The following ZNF124 variants were observed in gnomAD, a reference collection of about 807,000 sequenced individuals.
ZNF124 encodes the protein zinc finger protein HZF-16.
Under a neutral mutation model 26.6 loss-of-function variants are expected in ZNF124, and 25 were observed. The ratio of observed to expected loss-of-function variants is 0.94; its 90% CI spans 0.68 to 1.31. ZNF124 has a LOEUF of 1.31. ZNF124 is among the 40% of genes most tolerant of loss of function. The pLI is 0.00. For synonymous variants in ZNF124, 129 were observed against 133.3 expected, an observed-to-expected ratio of 0.97 and a Z score of 0.22; for missense variants, 444 against 422.2, an observed-to-expected ratio of 1.05 and a Z score of -0.45.
At chr1:247,125,592 C>T (rs1041001374) in intron 3 of ZNF124, among the ~76,000 whole-genome samples, 4 of 151,898 alleles carry the variant, frequency 2.6e-5, no homozygotes, top group African/African-American at 7.3e-5. Flanking sequence ...CCATCACACC[C>T]GGCTAAATTT....
exon 4 of ZNF124, chr1:247,123,821 C>T (rs1350887302): frequency 2.8e-6 from 2 of 701,788 alleles, no homozygotes; most frequent in Admixed American, 2.0e-5. Flanking sequence ...CTCTTAGTAG[C>T]TGTGAGGCTT....
chr1:247,159,668 G>C lies in ZNF124; in HGVS notation c.157+19C>G, dbSNP rs1230397044. The C allele has an allele frequency of 6.2e-7, 1 of 1,606,290 alleles. No individual in the cohort carries two copies. The highest frequency in any genetic ancestry group is 8.5e-7 in the Non-Finnish European group (1 of 1,177,610). On this transcript the variant is annotated intron_variant, in intron 2 of 3. Transcript: ENST00000543802. ...CTTACTTTCTGATTGACTAAGTGAA[G>C]AAATATTGTGATTCTTACCTATGGA...
Position 247,157,190 on chromosome 1 carries a change from G to A in ZNF124, c.432C>T (p.His144=), listed in dbSNP as rs758137505. The A allele has an allele frequency of 1.9e-6, 3 of 1,614,064 alleles. No homozygotes were observed. The highest frequency in any genetic ancestry group is 3.3e-5 in the Admixed American group (2 of 60,022). The change falls in exon 4 of 4, where the codon CAC becomes CAT. Residue 144 remains histidine, a synonymous_variant. Coordinates refer to ENST00000543802, the MANE Select transcript of ZNF124 (RefSeq NM_001297568.2). ...TACATTCATAGGGTTTCTCTCCAGT[G>A]TGATTTCTCTGATGTATCTGAAATG... ...PSSFQIHQRN[H]TGEKPYECME... is the part of the protein sequence containing the mutation.
rs745477497 is a variant in ZNF124 at position 247,157,092 on chromosome 1, C to G, written c.530G>C (p.Arg177Pro). Reference sequence around the variant, plus strand: ...TTTCCCACATTGCTTACATTCATAGCGTTTTTCTCCAGTGTGAATCCTTTT... The same window carrying G: ...TTTCCCACATTGCTTACATTCATAGGGTTTTTCTCCAGTGTGAATCCTTTT... The part of the protein sequence containing the change: ...RHKRIHTGEK[R>P]YECKQCGKAF... Residue 177 changes from arginine (R) to proline (P), a missense_variant, in exon 4 of 4, where the codon CGC becomes CCC. Physicochemically the swap from Arg to Pro is moderately radical, Grantham distance 103. Transcript: ENST00000543802. The G allele has an allele frequency of 1.9e-6, 3 of 1,613,852 alleles. No individual in the cohort carries two copies. Among genetic ancestry groups the G allele is most frequent in the African/African-American group, 2.7e-5 (2 of 74,844 alleles).
intron 3 of ZNF124, among the ~76,000 whole-genome samples, chr1:247,134,406 G>A (rs1373075543): frequency 1.3e-5 from 2 of 151,982 alleles, no homozygotes; most frequent in South Asian, 4.2e-4. Flanking sequence ...AGGGATGAAG[G>A]AATATTTACC....
At chr1:247,153,359 G>A (rs1673001797), downstream of ZNF124, among the ~76,000 whole-genome samples, 1 of 152,160 alleles carries the variant, frequency 6.6e-6, no homozygotes, top group South Asian at 2.1e-4. Flanking sequence ...TTATCAGGAT[G>A]AGAACTTAAA....
In ZNF124 at chr1:247,156,521, T is replaced by G. The variant is rs2103118470; in HGVS notation, c.*45A>C. The stretch of plus-strand genomic sequence containing the variant: ...TTACATTCACAGTTTCTCTCAAGTA[T>G]GTGACTGTTCATGTTTTTGACAAAA... On this transcript the variant is annotated 3_prime_UTR_variant, in exon 4 of 4. Transcript: ENST00000543802. 1 of 1,491,102 alleles carries G rather than the reference T, an allele frequency of 6.7e-7. No individual in the cohort carries two copies. The highest frequency in any genetic ancestry group is 2.3e-5 in the East Asian group (1 of 43,298). 92.4% of individuals were successfully genotyped at this position (1,491,102 alleles called of 1,614,324 possible).
rs71566695 is a variant in ZNF124 at position 247,125,430 on chromosome 1, C to CTTTTTTTT, written c.219-1567_219-1560dup. ...TATCTTCACCGACACCTGTTTTTGT[C>CTTTTTTTT]TTTTTTTTTTTTTTTTTTTTTTTTT... On this transcript the variant is annotated intron_variant, in intron 3 of 3. Transcript: ENST00000472531. Among the ~76,000 whole-genome samples the CTTTTTTTT allele has an allele frequency of 3.9e-3, 169 of 43,298 alleles. 24 individuals carry two copies. Among genetic ancestry groups the CTTTTTTTT allele is most frequent in the Non-Finnish European group, 4.4e-3 (104 of 23,388 alleles). The allele number at this position is 43,298 out of a possible 152,430, so 28.4% of individuals were successfully genotyped here. A position where few individuals can be genotyped will look rare whatever the true frequency, so the allele number is the denominator to read the frequency against.
chr1:247,139,465 G>A (rs115875932), intron 3 of ZNF124, among the ~76,000 whole-genome samples: 4,897 of 152,292 alleles, frequency 0.032, 152 homozygotes, highest in Admixed American at 0.092. Flanking sequence ...GCCATTGTGC[G>A]CCTTTTAAGC....
At position 247,142,592 on chromosome 1, in the gene ZNF124, T is replaced by G. The variant is rs928381008; in HGVS notation, c.218+16414A>C. Among the ~76,000 whole-genome samples the G allele has an allele frequency of 9.2e-5, 14 of 152,236 alleles. No homozygotes were observed. In the South Asian group the frequency reaches 2.7e-3, roughly 29 times the overall value. On this transcript the variant is annotated intron_variant, in intron 3 of 3. Coordinates refer to the ZNF124 transcript ENST00000472531. Reference sequence around the variant, plus strand: ...AGGCCGAGTCCTCAGAAGATTGATATTCACCAACCTTTAATAGCATTCTCT... The same window carrying G: ...AGGCCGAGTCCTCAGAAGATTGATAGTCACCAACCTTTAATAGCATTCTCT...
In ZNF124 at chr1:247,142,331, G is replaced by A. The variant is rs371410408; in HGVS notation, c.218+16675C>T. Among the ~76,000 whole-genome samples, 16 of 152,258 alleles carry A rather than the reference G, an allele frequency of 1.1e-4. No individual in the cohort carries two copies. The East Asian group carries it at 3.1e-3, about 29-fold the overall frequency. On this transcript the variant is annotated intron_variant, in intron 3 of 3. Coordinates refer to the ZNF124 transcript ENST00000472531. ...AGAAAAGGAATTTGAACAATATACT[G>A]AAAATGGTAAACCCAGTTTTCTTTA...
At chr1:247,128,603 A>G (rs1293167294) in intron 3 of ZNF124, among the ~76,000 whole-genome samples, 2 of 150,768 alleles carry the variant, frequency 1.3e-5, no homozygotes, top group African/African-American at 2.4e-5. Flanking sequence ...CTAAAAAGCT[A>G]ATCCACTAGG....
At chr1:247,134,487 C>G (rs1329897077) in intron 3 of ZNF124, among the ~76,000 whole-genome samples, 1 of 152,034 alleles carries the variant, frequency 6.6e-6, no homozygotes, top group Non-Finnish European at 1.5e-5. Flanking sequence ...TTGAAACCAA[C>G]AAAGATCAAA....
chr1:247,149,308 C>T (rs894251221), intron 3 of ZNF124, among the ~76,000 whole-genome samples: 2 of 152,240 alleles, frequency 1.3e-5, no homozygotes, highest in East Asian at 3.9e-4. Flanking sequence ...CAATATTAAA[C>T]TAGAACTACC....
In ZNF124 at chr1:247,156,420, T is replaced by C; in HGVS notation, c.*146A>G. 7.5e-7 allele frequency: 1 copy of C among 1,333,110 alleles called. No homozygotes were observed. The highest frequency in any genetic ancestry group is 9.6e-7 in the Non-Finnish European group (1 of 1,043,704). 82.6% of individuals were successfully genotyped at this position (1,333,110 alleles called of 1,614,324 possible). A position where few individuals can be genotyped will look rare whatever the true frequency, so the allele number is the denominator to read the frequency against. On this transcript the variant is annotated 3_prime_UTR_variant, in exon 4 of 4. Coordinates refer to ENST00000543802, the MANE Select transcript of ZNF124 (RefSeq NM_001297568.2). ...GAATGCTTTACCTTATTGCTTATAG[T>C]CATAGGGTTTATCTCCAGTTTGATT...
At chr1:247,158,481 C>T (rs905779699) in intron 3 of ZNF124, among the ~76,000 whole-genome samples, 2 of 152,084 alleles carry the variant, frequency 1.3e-5, no homozygotes, top group Admixed American at 6.5e-5. Flanking sequence ...CCTAGGTATT[C>T]CTTTATAGCA....
chr1:247,131,528 C>T (rs1452490326), intron 3 of ZNF124, among the ~76,000 whole-genome samples: 2 of 152,208 alleles, frequency 1.3e-5, no homozygotes. Flanking sequence ...AACTGCCTAA[C>T]GTGCTAAGCT....
At chr1:247,170,893 TCTGC>T (rs1674081444) in intron 1 of ZNF124, among the ~76,000 whole-genome samples, 1 of 115,840 alleles carries the variant, frequency 8.6e-6, no homozygotes, top group Admixed American at 8.3e-5. Flanking sequence ...CGCCGGGCTG[TCTGC>T]CTGTGGATTT....
exon 4 of ZNF124, chr1:247,122,520 G>A (rs1483002761): frequency 2.0e-5 from 3 of 152,158 alleles, no homozygotes; most frequent in Non-Finnish European, 4.4e-5. Context: ...AAGAAAATGT[G>A]GTACATTTCT....
Sources: gnomAD v4.1 joint callset for allele counts (sites outside exome capture counted in the v4.1 genomes callset) on GRCh38, gnomAD v4.1.1 for gene constraint, MANE v1.5 for transcripts, NCBI Gene and HGNC (gene_info 2026-07-23, HGNC 2026-07-21) for gene names.